SEC61G: variants seen among roughly 807,000 people sequenced by gnomAD.
SEC61G encodes protein transport protein Sec61 subunit gamma.
Under a neutral mutation model 7.5 loss-of-function variants are expected in SEC61G, and 4 were observed. That is an observed-to-expected ratio of 0.54 (90% CI 0.26 to 1.22). The LOEUF is 1.22. Ranked by LOEUF, SEC61G falls within the 50% of genes most tolerant of loss-of-function variation. SEC61G has a pLI of 0.12. For missense variants in SEC61G, 53 were observed against 84.6 expected, an observed-to-expected ratio of 0.63 and a Z score of 1.46; for synonymous variants, 24 against 24.4, an observed-to-expected ratio of 0.98 and a Z score of 0.05.
At chr7:54,759,036 A>ACCGC (rs1791581206) in intron 1 of SEC61G, 122 bp downstream of exon 1, 1 of 388,884 alleles carries the variant, frequency 2.6e-6, no homozygotes, top group Admixed American at 2.8e-5. Context: ...GGGACCACTT[A>ACCGC]CCGCCCGCCC....
At chr7:54,758,535 G>A (rs769286445) in intron 1 of SEC61G, among the ~76,000 whole-genome samples, 2 of 152,142 alleles carry the variant, frequency 1.3e-5, no homozygotes, top group African/African-American at 2.4e-5. Flanking sequence ...CGTTCTGGGG[G>A]CAAAAACACA....
intron 2 of SEC61G, 76 bp downstream of exon 2, chr7:54,757,419 T>C (rs1791541425): frequency 1.7e-6 from 2 of 1,150,938 alleles, no homozygotes; most frequent in African/African-American, 1.5e-5. Context: ...CAAGGGCTAT[T>C]AATCAAGATG....
Position 54,757,557 on chromosome 7 carries a change from C to G in SEC61G, c.32G>C (p.Ser11Thr). 1 of 1,614,122 alleles carries G rather than the reference C, an allele frequency of 6.2e-7. No homozygotes were observed. The highest frequency in any genetic ancestry group is 8.5e-7 in the Non-Finnish European group (1 of 1,179,996). Residue 11 changes from serine (S) to threonine (T), a missense_variant, in exon 2 of 4, where the codon AGT (serine) becomes ACT (threonine). Transcript: ENST00000352861. ...AATGGAGTCCTTTACAAACTGCCGACTTGGCTCAACAAACTGCATTACCTG... is the reference window on the plus strand; with the variant it reads ...AATGGAGTCCTTTACAAACTGCCGAGTTGGCTCAACAAACTGCATTACCTG... MDQVMQFVEP[S>T]RQFVKDSIRL...
chr7:54,758,278 T>C (rs767596902), intron 1 of SEC61G, among the ~76,000 whole-genome samples: 121 of 152,350 alleles, frequency 7.9e-4, no homozygotes, highest in Non-Finnish European at 1.3e-3. Context: ...CAGGTTCTTT[T>C]GAGGAATCTA....
At chr7:54,756,290 C>CT (rs1385918894) in intron 2 of SEC61G, among the ~76,000 whole-genome samples, 1 of 152,084 alleles carries the variant, frequency 6.6e-6, no homozygotes, top group East Asian at 1.9e-4. Flanking sequence ...AGAAACATAC[C>CT]TTTTTTGGGT....
intron 3 of SEC61G, chr7:54,754,697 T>C (rs967883589): frequency 6.6e-6 from 1 of 151,872 alleles, no homozygotes; most frequent in Non-Finnish European, 1.5e-5. Flanking sequence ...TTAGGAGATT[T>C]ATAGTTTAGA....
intron 3 of SEC61G, 95 bp downstream of exon 3, chr7:54,755,684 A>C: frequency 1.7e-6 from 1 of 581,692 alleles, no homozygotes; most frequent in Non-Finnish European, 2.9e-6. Flanking sequence ...TAAAAAGTCA[A>C]GAGATGCATC....
At chr7:54,757,198 A>C (rs1242180532) in intron 2 of SEC61G, among the ~76,000 whole-genome samples, 1 of 152,018 alleles carries the variant, frequency 6.6e-6, no homozygotes, top group African/African-American at 2.4e-5. Context: ...GGGAGACTTC[A>C]AAGCTTTTCC....
chr7:54,757,592 T>C lies in SEC61G; in HGVS notation c.-4A>G. ...CAAACTGCATTACCTGATCCATGAC[T>C]GCCTGTTTAAAACAAAAAAGATACT... is the stretch of plus-strand genomic sequence containing the variant. On this transcript the variant is annotated splice_region_variant and 5_prime_UTR_variant, in exon 2 of 4. Transcript: ENST00000352861. The C allele has an allele frequency of 2.5e-6, 4 of 1,613,524 alleles. No individual in the cohort carries two copies. The highest frequency in any genetic ancestry group is 1.1e-5 in the South Asian group (1 of 91,028).
At chr7:54,756,995 A>G (rs1223351939) in intron 2 of SEC61G, among the ~76,000 whole-genome samples, 1 of 147,870 alleles carries the variant, frequency 6.8e-6, no homozygotes, top group East Asian at 1.9e-4. Context: ...ATACTATATT[A>G]TATACTATAT....
intron 1 of SEC61G, 22 bp downstream of exon 1, chr7:54,759,136 C>T (rs1309214080): frequency 3.9e-6 from 2 of 518,142 alleles, no homozygotes; most frequent in Non-Finnish European, 7.7e-6. Flanking sequence ...TCGCCCGTAC[C>T]GACCGGTGGG....
intron 3 of SEC61G, among the ~76,000 whole-genome samples, chr7:54,754,459 T>C (rs2699214): frequency 0.28 from 41,915 of 152,044 alleles, 5,823 homozygotes; most frequent in South Asian, 0.36. Context: ...AGTTCTACAG[T>C]TGGCATTTCT....
chr7:54,757,424 A>G, intron 2 of SEC61G, 71 bp downstream of exon 2: 1 of 1,210,772 alleles, frequency 8.3e-7, no homozygotes, highest in South Asian at 1.2e-5. Flanking sequence ...GCTATTAATC[A>G]AGATGTTAAT....
intron 1 of SEC61G, among the ~76,000 whole-genome samples, chr7:54,758,071 G>A (rs1323575378): frequency 2.0e-5 from 3 of 152,260 alleles, no homozygotes; most frequent in Non-Finnish European, 4.4e-5. Context: ...GCCAACTACG[G>A]TGCTGCAAGA....
chr7:54,757,593 G>A lies in SEC61G; in HGVS notation c.-5C>T. On this transcript the variant is annotated splice_region_variant and 5_prime_UTR_variant, in exon 2 of 4. Coordinates refer to ENST00000352861, the MANE Select transcript of SEC61G (RefSeq NM_014302.4). ...AAACTGCATTACCTGATCCATGACT[G>A]CCTGTTTAAAACAAAAAAGATACTC... 1.2e-6 allele frequency: 2 copies of A among 1,613,032 alleles called. No homozygotes were observed. The highest frequency in any genetic ancestry group is 2.2e-5 in the East Asian group (1 of 44,860).
In SEC61G at chr7:54,757,183, G is replaced by C. The variant is rs1313058547; in HGVS notation, c.94+312C>G. Among the ~76,000 whole-genome samples the C allele has an allele frequency of 5.3e-5, 8 of 151,902 alleles. 1 individual carries two copies. Among genetic ancestry groups the C allele is most frequent in the Non-Finnish European group, 8.8e-5 (6 of 67,976 alleles). On this transcript the variant is annotated intron_variant, in intron 2 of 3. Transcript: ENST00000352861. ...GGTTTTGTTCGTTGGGGTGGGAGCT[G>C]AGTAGGGAGACTTCAAAGCTTTTCC...
In SEC61G at chr7:54,757,558, T is replaced by C. The variant is rs747353269; in HGVS notation, c.31A>G (p.Ser11Gly). MDQVMQFVEP[S>G]RQFVKDSIRL... ...ATGGAGTCCTTTACAAACTGCCGAC[T>C]TGGCTCAACAAACTGCATTACCTGA... is the stretch of plus-strand genomic sequence containing the variant. Residue 11 changes from serine (S) to glycine (G), a missense_variant, in exon 2 of 4, where the codon AGT becomes GGT. By Grantham distance (56) the Ser-to-Gly change is moderately conservative. Coordinates refer to ENST00000352861, the MANE Select transcript of SEC61G (RefSeq NM_014302.4). The C allele has an allele frequency of 2.5e-5, 40 of 1,614,052 alleles. No individual in the cohort carries two copies. Among genetic ancestry groups the C allele is most frequent in the Non-Finnish European group, 3.1e-5 (37 of 1,180,016 alleles).
At position 54,759,169 on chromosome 7, in the gene SEC61G, A is replaced by C. The variant is rs1024067041; in HGVS notation, c.-18T>G. Reference sequence around the variant, plus strand: ...GGGAAGAAACTCACCTACCCAACCGACACCTAAAATGCCAGGGACACGTAG... The same window carrying C: ...GGGAAGAAACTCACCTACCCAACCGCCACCTAAAATGCCAGGGACACGTAG... On this transcript the variant is annotated 5_prime_UTR_variant, in exon 1 of 4. Coordinates refer to ENST00000352861, the MANE Select transcript of SEC61G (RefSeq NM_014302.4). 9.6e-6 allele frequency: 5 copies of C among 518,844 alleles called. No homozygotes were observed. Among genetic ancestry groups the C allele is most frequent in the Non-Finnish European group, 1.9e-5 (5 of 259,838 alleles). The allele number at this position is 518,844 out of a possible 1,614,324, so 32.1% of individuals were successfully genotyped here.
rs1291170690 is a variant in SEC61G at position 54,752,324 on chromosome 7, A to G, written c.*87T>C. ...GGAAAAAAAAAAACCCACAAAACAT[A>G]CAGGCAAATTTGTATTCTGTGAGTT... On this transcript the variant is annotated 3_prime_UTR_variant, in exon 4 of 4. Coordinates refer to ENST00000352861, the MANE Select transcript of SEC61G (RefSeq NM_014302.4). 1 of 860,954 alleles carries G rather than the reference A, an allele frequency of 1.2e-6. No homozygotes were observed. The highest frequency in any genetic ancestry group is 2.7e-5 in the East Asian group (1 of 37,246). 53.3% of individuals were successfully genotyped at this position (860,954 alleles called of 1,614,324 possible).
Sources: gnomAD v4.1 joint callset for allele counts (sites outside exome capture counted in the v4.1 genomes callset) on GRCh38, gnomAD v4.1.1 for gene constraint, MANE v1.5 for transcripts, NCBI Gene and HGNC (gene_info 2026-07-23, HGNC 2026-07-21) for gene names.